The following TPST2 variants were observed in gnomAD, a reference collection of about 807,000 sequenced individuals.
The protein encoded by TPST2 is tyrosylprotein sulfotransferase 2.
Under a neutral mutation model 27.8 loss-of-function variants are expected in TPST2, and 16 were observed. That is an observed-to-expected ratio of 0.58 (90% CI 0.39 to 0.88). TPST2 has a LOEUF of 0.88. TPST2 is among the 40% of genes least tolerant of loss of function. The pLI, the probability that TPST2 is intolerant of heterozygous loss-of-function variation, is 0.00. For missense variants in TPST2, 464 were observed against 543.1 expected (o/e 0.85, Z 1.45); for synonymous variants, 229 against 231.7 (o/e 0.99, Z 0.10).
intron 1 of TPST2, chr22:26,565,357 G>A (rs1248358492): frequency 2.0e-5 from 3 of 152,274 alleles, no homozygotes; most frequent in South Asian, 2.1e-4. Context: ...CTTTTAGCTG[G>A]GAGGCTCCTT....
intron 1 of TPST2, among the ~76,000 whole-genome samples, chr22:26,555,557 T>A (rs1037390970): frequency 1.3e-5 from 2 of 152,208 alleles, no homozygotes; most frequent in Admixed American, 6.5e-5. Flanking sequence ...GAGTGTGAGC[T>A]CAGAGGCATC....
chr22:26,581,898 G>A (rs1405404100), intron 1 of TPST2, among the ~76,000 whole-genome samples: 1 of 152,164 alleles, frequency 6.6e-6, no homozygotes, highest in African/African-American at 2.4e-5. Flanking sequence ...CTCTGCTTTT[G>A]TTACACAACA....
intron 1 of TPST2, among the ~76,000 whole-genome samples, chr22:26,574,555 G>A (rs1569195562): frequency 6.6e-6 from 1 of 152,156 alleles, no homozygotes; most frequent in African/African-American, 2.4e-5. Flanking sequence ...GTTTGCCCAG[G>A]AACGAGCAAG....
intron 1 of TPST2, among the ~76,000 whole-genome samples, chr22:26,552,866 C>T (rs560853047): frequency 1.3e-5 from 2 of 152,110 alleles, no homozygotes; most frequent in South Asian, 4.2e-4. Flanking sequence ...TCGAGACCAG[C>T]CTGGCCAACA....
intron 1 of TPST2, among the ~76,000 whole-genome samples, chr22:26,549,488 C>T (rs1926326965): frequency 6.7e-6 from 1 of 149,936 alleles, no homozygotes; most frequent in African/African-American, 2.5e-5. Context: ...GAAATCTCCT[C>T]CGTACTAAAA....
chr22:26,584,917 G>A (rs1928281300), intron 1 of TPST2, among the ~76,000 whole-genome samples: 1 of 152,108 alleles, frequency 6.6e-6, no homozygotes, highest in African/African-American at 2.4e-5. Flanking sequence ...TTTGACAGAC[G>A]GAGGAACTAA....
At chr22:26,566,802 G>A (rs1208546281) in intron 1 of TPST2, among the ~76,000 whole-genome samples, 1 of 151,958 alleles carries the variant, frequency 6.6e-6, no homozygotes, top group East Asian at 1.9e-4. Context: ...TTAAGGCCAG[G>A]ACAACACTCC....
At chr22:26,577,521 G>T (rs1417659143) in intron 1 of TPST2, among the ~76,000 whole-genome samples, 2 of 150,650 alleles carry the variant, frequency 1.3e-5, no homozygotes. Context: ...CTAATTTTTT[G>T]TATTTTTTTA....
chr22:26,529,926 T>C (rs144704319), intron 5 of TPST2, among the ~76,000 whole-genome samples: 1,794 of 152,256 alleles, frequency 0.012, 38 homozygotes, highest in African/African-American at 0.041. Flanking sequence ...GAGCATTTCC[T>C]GGTTGTTTGG....
chr22:26,545,793 A>G (rs908220210), intron 1 of TPST2, among the ~76,000 whole-genome samples: 2 of 152,190 alleles, frequency 1.3e-5, no homozygotes, highest in African/African-American at 4.8e-5. Flanking sequence ...TTTAAATCTC[A>G]GCCAGGCCTG....
At chr22:26,560,879 T>G in intron 1 of TPST2, 1 of 1,597,578 alleles carries the variant, frequency 6.3e-7, no homozygotes, top group East Asian at 2.2e-5. Context: ...GAGAACATCC[T>G]GGCCTGTCCA....
At chr22:26,562,427 T>C (rs34473250) in intron 1 of TPST2, among the ~76,000 whole-genome samples, 22,657 of 152,176 alleles carry the variant, frequency 0.15, 1,992 homozygotes, top group East Asian at 0.3. Context: ...AGCCAGTCCA[T>C]GTGCCATTTC....
chr22:26,562,265 G>A (rs574308808), intron 1 of TPST2, among the ~76,000 whole-genome samples: 60 of 152,310 alleles, frequency 3.9e-4, no homozygotes, highest in Admixed American at 9.8e-4. Context: ...TATGCGAGAA[G>A]GACTTATCTG....
At chr22:26,562,348 C>T (rs1162917912) in intron 1 of TPST2, among the ~76,000 whole-genome samples, 2 of 152,164 alleles carry the variant, frequency 1.3e-5, no homozygotes, top group African/African-American at 4.8e-5. Flanking sequence ...GGCAGCACCC[C>T]CACCATGAGC....
chr22:26,537,624 TG>T (rs1194082949), intron 3 of TPST2, among the ~76,000 whole-genome samples: 4 of 152,148 alleles, frequency 2.6e-5, no homozygotes, highest in African/African-American at 9.7e-5. Flanking sequence ...AGCTAATTTT[TG>T]TATTTTTAGA....
At chr22:26,558,029 A>AGAGG (rs538409515) in intron 1 of TPST2, among the ~76,000 whole-genome samples, 222 of 150,532 alleles carry the variant, frequency 1.5e-3, no homozygotes, top group Non-Finnish European at 2.2e-3. Context: ...CCTGGTTGAC[A>AGAGG]GAGGGAGACT....
intron 1 of TPST2, among the ~76,000 whole-genome samples, chr22:26,545,839 G>A (rs1926088332): frequency 1.3e-5 from 2 of 152,200 alleles, no homozygotes; most frequent in African/African-American, 4.8e-5. Context: ...CAGCACTTTG[G>A]GAGGCAGAGG....
At chr22:26,537,201 G>A (rs949618342) in intron 3 of TPST2, among the ~76,000 whole-genome samples, 1 of 152,204 alleles carries the variant, frequency 6.6e-6, no homozygotes, top group Non-Finnish European at 1.5e-5. Flanking sequence ...CTCAGTCTTT[G>A]CACTGTGGAG....
At chr22:26,580,860 A>C (rs1012329841) in intron 1 of TPST2, among the ~76,000 whole-genome samples, 4 of 152,080 alleles carry the variant, frequency 2.6e-5, no homozygotes, top group Non-Finnish European at 5.9e-5. Context: ...GGGGAGGAAG[A>C]CTTTCGCTCT....
Sources: allele counts gnomAD v4.1 joint callset (sites outside exome capture counted in the v4.1 genomes callset), GRCh38; gene constraint gnomAD v4.1.1; transcripts MANE v1.5; gene names NCBI Gene and HGNC (gene_info 2026-07-23, HGNC 2026-07-21).